The following FREM3 variants were observed in gnomAD, a reference collection of about 807,000 sequenced individuals.
The protein encoded by FREM3 is FRAS1 related extracellular matrix 3, also known as FRAS1-related extracellular matrix protein 3.
A neutral mutation model predicts 129.1 loss-of-function variants in FREM3; 105 were observed. The ratio of observed to expected loss-of-function variants is 0.81; its 90% CI spans 0.69 to 0.96. FREM3 has a LOEUF of 0.96. FREM3 is among the 40% of genes least tolerant of loss of function. The pLI is 0.00. For missense variants in FREM3, 2,593 were observed against 2,666.3 expected (o/e 0.97, Z 0.61); for synonymous variants, 1,014 against 1,044.9 (o/e 0.97, Z 0.57).
chr4:143,681,077 C>A (rs977757754), intron 2 of FREM3, among the ~76,000 whole-genome samples: 1 of 152,010 alleles, frequency 6.6e-6, no homozygotes, highest in African/African-American at 2.4e-5. Context: ...TGTTTCTAGT[C>A]TTAATAGGAT....
chr4:143,588,785 T>C (rs1350230188), intron 6 of FREM3, among the ~76,000 whole-genome samples: 5 of 150,824 alleles, frequency 3.3e-5, no homozygotes, highest in Non-Finnish European at 5.9e-5. Context: ...GGTCAAATGG[T>C]ATTTCTAGTT....
chr4:143,641,019 C>T (rs1025138022), intron 2 of FREM3, among the ~76,000 whole-genome samples: 3 of 152,020 alleles, frequency 2.0e-5, no homozygotes, highest in Non-Finnish European at 2.9e-5. Flanking sequence ...CAAATATTTC[C>T]TGAAAGCCAT....
At chr4:143,665,819 G>A (rs1739848413) in intron 2 of FREM3, among the ~76,000 whole-genome samples, 1 of 152,102 alleles carries the variant, frequency 6.6e-6, no homozygotes, top group African/African-American at 2.4e-5. Flanking sequence ...GGATTTCAAA[G>A]TGTACTCATC....
intron 2 of FREM3, among the ~76,000 whole-genome samples, chr4:143,677,854 C>T (rs1740173133): frequency 6.6e-6 from 1 of 152,198 alleles, no homozygotes; most frequent in East Asian, 1.9e-4. Context: ...GATCTCACAG[C>T]AGTTAGAATG....
chr4:143,699,693 T>C lies in FREM3; in HGVS notation c.983A>G (p.Asp328Gly). ...CTCGACGTCCTCCGCGGCCAGTGCG[T>C]CAGGCGTCAGGGCTGTCAGCACCAG... ...DPLVLTALTP[D>G]ALAAEDVESD... is the part of the protein sequence containing the mutation. Residue 328 changes from aspartate (D) to glycine (G), a missense_variant, in exon 1 of 8, where the codon GAC (aspartate) becomes GGC (glycine). Asp to Gly is a moderately conservative substitution (Grantham distance 94, BLOSUM62 -1). Around this residue, in one of 2 missense-constraint regions of FREM3, gnomAD observed 2,276 missense variants for 2,267.2 expected, o/e 1.00. Transcript: ENST00000329798. The surrounding 1 kb of genome is among the most constrained non-coding windows in gnomAD (Gnocchi z 4.2). 1 of 1,524,060 alleles carries C rather than the reference T, an allele frequency of 6.6e-7. No individual in the cohort carries two copies. Among genetic ancestry groups the C allele is most frequent in the Non-Finnish European group, 8.8e-7 (1 of 1,139,410 alleles). 94.4% of individuals were successfully genotyped at this position (1,524,060 alleles called of 1,614,324 possible). A position where few individuals can be genotyped will look rare whatever the true frequency, so the allele number is the denominator to read the frequency against.
intron 2 of FREM3, among the ~76,000 whole-genome samples, chr4:143,680,205 T>C (rs1164195971): frequency 3.3e-5 from 5 of 151,536 alleles, no homozygotes; most frequent in Admixed American, 1.3e-4. Context: ...GTATACATTT[T>C]AGACCTTCCC....
chr4:143,695,451 A>C, intron 1 of FREM3, 40 bp downstream of exon 1: 4 of 1,468,360 alleles, frequency 2.7e-6, no homozygotes, highest in Non-Finnish European at 3.6e-6. Flanking sequence ...GATCCAATGA[A>C]GGAGAGGGAC....
intron 6 of FREM3, among the ~76,000 whole-genome samples, chr4:143,605,165 A>G (rs1738646648): frequency 6.6e-6 from 1 of 152,048 alleles, no homozygotes; most frequent in Non-Finnish European, 1.5e-5. Flanking sequence ...GATTTTGTGT[A>G]ATTTTCTTCC....
At chr4:143,637,282 T>C (rs746612246) in intron 2 of FREM3, among the ~76,000 whole-genome samples, 1 of 152,130 alleles carries the variant, frequency 6.6e-6, no homozygotes, top group Non-Finnish European at 1.5e-5. Context: ...GAACTATAAA[T>C]TTAAGGAAAA....
At chr4:143,611,090 G>A (rs187679666) in intron 6 of FREM3, among the ~76,000 whole-genome samples, 189 bp downstream of exon 6, 240 of 152,232 alleles carry the variant, frequency 1.6e-3, no homozygotes, top group Middle Eastern at 3.4e-3. Context: ...TAATCTACTC[G>A]CATGGCTGTT....
At position 143,695,619 on chromosome 4, in the gene FREM3, T is replaced by G. The variant is rs1346708236; in HGVS notation, c.5057A>C (p.Lys1686Thr). Residue 1686 changes from lysine (K) to threonine (T), a missense_variant, in exon 1 of 8, where the codon AAG (lysine) becomes ACG (threonine). Lys to Thr is a moderately conservative substitution (Grantham distance 78). Coordinates refer to ENST00000329798, the MANE Select transcript of FREM3 (RefSeq NM_001168235.2). ...TGHMGFLITS[K>T]SLKAEDQDSP... The stretch of plus-strand genomic sequence containing the variant: ...GTCCTGATCTTCTGCCTTCAGAGAC[T>G]TGCTGGTAATCAGGAAGCCCATGTG... 6.5e-7 allele frequency: 1 copy of G among 1,537,304 alleles called. No individual in the cohort carries two copies. The highest frequency in any genetic ancestry group is 2.0e-5 in the Admixed American group (1 of 50,996).
At chr4:143,663,584 C>A (rs13152595) in intron 2 of FREM3, among the ~76,000 whole-genome samples, 82,453 of 151,736 alleles carry the variant, frequency 0.54, 23,492 homozygotes, top group East Asian at 0.71. Flanking sequence ...CTTCTCGAGG[C>A]GTATCTTTGT....
chr4:143,590,829 G>C (rs1279153444), intron 6 of FREM3, among the ~76,000 whole-genome samples: 1 of 152,114 alleles, frequency 6.6e-6, no homozygotes, highest in South Asian at 2.1e-4. Context: ...GCTCCTCCTT[G>C]TACCTCTGGT....
At chr4:143,596,570 T>A (rs894319311) in intron 6 of FREM3, among the ~76,000 whole-genome samples, 2 of 152,134 alleles carry the variant, frequency 1.3e-5, no homozygotes, top group Non-Finnish European at 2.9e-5. Context: ...TGGTTATAGG[T>A]AAGTTGAATT....
chr4:143,644,719 A>G (rs1031229958), intron 2 of FREM3, among the ~76,000 whole-genome samples: 2 of 152,232 alleles, frequency 1.3e-5, no homozygotes, highest in Non-Finnish European at 2.9e-5. Flanking sequence ...TGGAGTTTAT[A>G]AGGAAAGTAA....
chr4:143,626,153 A>T (rs1032979125), intron 3 of FREM3, among the ~76,000 whole-genome samples: 3 of 152,132 alleles, frequency 2.0e-5, no homozygotes, highest in Non-Finnish European at 2.9e-5. Context: ...GATGTTGAGT[A>T]GTATTGTGAT....
At chr4:143,685,032 G>A (rs868272723) in intron 2 of FREM3, among the ~76,000 whole-genome samples, 3 of 152,010 alleles carry the variant, frequency 2.0e-5, no homozygotes, top group African/African-American at 4.8e-5. Context: ...AAGAATAATC[G>A]GTGTTTCTTA....
At chr4:143,628,744 G>A (rs1302819840) in intron 2 of FREM3, among the ~76,000 whole-genome samples, 19 of 152,092 alleles carry the variant, frequency 1.2e-4, no homozygotes, top group Admixed American at 1.2e-3. Context: ...AAAGGGTATG[G>A]GTATGAGATG....
At chr4:143,651,050 T>G (rs1420095509) in intron 2 of FREM3, among the ~76,000 whole-genome samples, 2 of 152,220 alleles carry the variant, frequency 1.3e-5, no homozygotes, top group Non-Finnish European at 2.9e-5. Context: ...ATTCATATGT[T>G]TCTATTTTAC....
Sources: allele counts gnomAD v4.1 joint callset (sites outside exome capture counted in the v4.1 genomes callset), GRCh38; gene constraint gnomAD v4.1.1; regional missense constraint gnomAD v4.1.1; non-coding constraint Gnocchi (gnomAD v3.1); transcripts MANE v1.5; gene names NCBI Gene and HGNC (gene_info 2026-07-23, HGNC 2026-07-21).